The following KCNG3 variants were observed in gnomAD, a reference collection of about 807,000 sequenced individuals.
KCNG3 encodes potassium voltage-gated channel modifier subfamily G member 3, also known as voltage-gated potassium channel regulatory subunit KCNG3.
Under a neutral mutation model 29.0 loss-of-function variants are expected in KCNG3, and 15 were observed. The ratio of observed to expected loss-of-function variants is 0.52; its 90% CI spans 0.35 to 0.80. The LOEUF (loss-of-function observed/expected upper bound fraction) is 0.80, where lower values mean the gene tolerates loss of function less well. KCNG3 is among the 30% of genes least tolerant of loss of function. The pLI is 0.01. For missense variants in KCNG3, 512 were observed against 605.7 expected, an observed-to-expected ratio of 0.85 and a Z score of 1.62; for synonymous variants, 322 against 248.9, an observed-to-expected ratio of 1.29 and a Z score of -2.76.
the KCNG3 span, among the ~76,000 whole-genome samples, chr2:42,427,897 G>C: frequency 6.6e-6 from 1 of 152,080 alleles, no homozygotes; most frequent in East Asian, 1.9e-4. Flanking sequence ...ACAAATCTAA[G>C]TCATAGGTCA....
intron 1 of KCNG3, among the ~76,000 whole-genome samples, chr2:42,450,316 T>A (rs142689436): frequency 1.8e-4 from 28 of 152,282 alleles, no homozygotes; most frequent in African/African-American, 6.3e-4. Context: ...AAGGGATGAA[T>A]CAGTGAGAAA....
chr2:42,395,458 T>TTGGGACTACAGGTGCGCAGGAGGAGC, the KCNG3 span, among the ~76,000 whole-genome samples: 1 of 152,118 alleles, frequency 6.6e-6, no homozygotes, highest in South Asian at 2.1e-4. Flanking sequence ...TCCCAGCACT[T>TTGGGACTACAGGTGCGCAGGAGGAGC]TGGGACTACA....
At chr2:42,424,214 G>A in the KCNG3 span, among the ~76,000 whole-genome samples, 1 of 152,168 alleles carries the variant, frequency 6.6e-6, no homozygotes, top group South Asian at 2.1e-4. Context: ...TGCTCTTGTA[G>A]CTGAGTGCCA....
At chr2:42,491,632 C>A (rs1425379693) in intron 1 of KCNG3, among the ~76,000 whole-genome samples, 1 of 152,084 alleles carries the variant, frequency 6.6e-6, no homozygotes, top group Non-Finnish European at 1.5e-5. Context: ...AATGAGTTTC[C>A]TAATGAATTT....
chr2:42,429,704 G>T, the KCNG3 span, among the ~76,000 whole-genome samples: 1 of 152,108 alleles, frequency 6.6e-6, no homozygotes, highest in Non-Finnish European at 1.5e-5. Flanking sequence ...CCCAGGGCAG[G>T]GAGCCTAGCT....
Position 42,493,544 on chromosome 2 carries a change from A to G in KCNG3, c.-43T>C. On this transcript the variant is annotated 5_prime_UTR_variant, in exon 1 of 2. Coordinates refer to ENST00000306078, the MANE Select transcript of KCNG3 (RefSeq NM_133329.6). The stretch of plus-strand genomic sequence containing the variant: ...ACTTTCGGCCCGAGGGCCCCGCTGC[A>G]GCCCCCCACCCCAAGCCGCCACGCG... 6 of 1,327,366 alleles carry G rather than the reference A, an allele frequency of 4.5e-6. No homozygotes were observed. Among genetic ancestry groups the G allele is most frequent in the Non-Finnish European group, 5.7e-6 (6 of 1,045,942 alleles). The allele number at this position is 1,327,366 out of a possible 1,614,324, so 82.2% of individuals were successfully genotyped here. A position where few individuals can be genotyped will look rare whatever the true frequency, so the allele number is the denominator to read the frequency against.
At chr2:42,464,304 T>G (rs550784608) in intron 1 of KCNG3, among the ~76,000 whole-genome samples, 5 of 152,308 alleles carry the variant, frequency 3.3e-5, no homozygotes, top group Admixed American at 6.5e-5. Flanking sequence ...TGGCCTCAAG[T>G]GATCCACCTG....
the KCNG3 span, among the ~76,000 whole-genome samples, chr2:42,415,902 T>C: frequency 6.6e-6 from 1 of 152,072 alleles, no homozygotes; most frequent in East Asian, 1.9e-4. Context: ...CTCATAGAAG[T>C]AGAGAGTAGA....
intron 1 of KCNG3, among the ~76,000 whole-genome samples, chr2:42,449,767 G>T (rs994217066): frequency 1.3e-5 from 2 of 152,096 alleles, no homozygotes; most frequent in Non-Finnish European, 2.9e-5. Flanking sequence ...TTCTAAATTG[G>T]TTGCTATCTT....
At chr2:42,396,047 G>A in the KCNG3 span, among the ~76,000 whole-genome samples, 2 of 152,114 alleles carry the variant, frequency 1.3e-5, no homozygotes, top group Non-Finnish European at 1.5e-5. Flanking sequence ...ACTTGCATTA[G>A]CCAACAGTTG....
intron 1 of KCNG3, among the ~76,000 whole-genome samples, chr2:42,461,182 C>CAAAAAAAAAAAAAAA (rs34199989): frequency 1.5e-3 from 87 of 56,420 alleles, no homozygotes; most frequent in East Asian, 3.5e-3. Flanking sequence ...CAAAACAAAA[C>CAAAAAAAAAAAAAAA]AAAAAAAAAA....
downstream of KCNG3, among the ~76,000 whole-genome samples, chr2:42,438,686 T>G (rs373604831): frequency 2.0e-5 from 3 of 152,236 alleles, no homozygotes; most frequent in African/African-American, 4.8e-5. Context: ...AAAGCTCCAG[T>G]ACTTACTGAA....
At chr2:42,429,137 A>G in the KCNG3 span, among the ~76,000 whole-genome samples, 1 of 148,748 alleles carries the variant, frequency 6.7e-6, no homozygotes, top group African/African-American at 2.5e-5. Context: ...AAAAACAAAA[A>G]CAAACAAACA....
At chr2:42,397,002 T>C in the KCNG3 span, among the ~76,000 whole-genome samples, 1 of 152,128 alleles carries the variant, frequency 6.6e-6, no homozygotes, top group Non-Finnish European at 1.5e-5. Context: ...CTCACACCTG[T>C]AATCCCAGCA....
At chr2:42,415,728 TCAAAACAAAA>T in the KCNG3 span, among the ~76,000 whole-genome samples, 7 of 151,698 alleles carry the variant, frequency 4.6e-5, no homozygotes, top group East Asian at 3.9e-4. Context: ...AGACTCTGTC[TCAAAACAAAA>T]CAAAACAAAA....
the KCNG3 span, among the ~76,000 whole-genome samples, chr2:42,424,448 A>C: frequency 6.6e-6 from 1 of 152,014 alleles, no homozygotes; most frequent in Non-Finnish European, 1.5e-5. Context: ...AAAAAAAAAA[A>C]AAAACCCAAA....
In KCNG3 at chr2:42,443,318, G is replaced by T. The variant is rs1672527277; in HGVS notation, c.*616C>A. ...AACATACTCAAGCTTCCATGAAGCG[G>T]CACGATAAGGTGAATAATTGGCACA... On this transcript the variant is annotated 3_prime_UTR_variant, in exon 2 of 2. Transcript: ENST00000306078. The T allele has an allele frequency of 6.6e-6, 1 of 152,590 alleles. No individual in the cohort carries two copies. Among genetic ancestry groups the T allele is most frequent in the Non-Finnish European group, 1.5e-5 (1 of 68,032 alleles). 9.5% of individuals were successfully genotyped at this position (152,590 alleles called of 1,614,324 possible).
chr2:42,489,686 G>A (rs1178127062), intron 1 of KCNG3, among the ~76,000 whole-genome samples: 1 of 143,970 alleles, frequency 6.9e-6, no homozygotes, highest in African/African-American at 2.6e-5. Context: ...AGCAGGCTAG[G>A]CATTGCACAG....
chr2:42,492,562 G>A (rs1226530985), intron 1 of KCNG3, among the ~76,000 whole-genome samples: 3 of 152,244 alleles, frequency 2.0e-5, no homozygotes, highest in Non-Finnish European at 4.4e-5. Context: ...ACAAAGAGGG[G>A]ACATTTGTCT....
Sources: gnomAD v4.1 joint callset for allele counts (sites outside exome capture counted in the v4.1 genomes callset) on GRCh38, gnomAD v4.1.1 for gene constraint, MANE v1.5 for transcripts, NCBI Gene and HGNC (gene_info 2026-07-23, HGNC 2026-07-21) for gene names.